Variants in SOS1 observed in about 807,000 individuals in gnomAD.
SOS1 encodes son of sevenless homolog 1.
SOS1 carries 25 observed loss-of-function variants against 157.6 expected under a neutral mutation model. The ratio of observed to expected loss-of-function variants is 0.16; its 90% CI spans 0.12 to 0.22. The LOEUF is 0.22. Ranked by LOEUF, SOS1 falls within the 10% of genes least tolerant of loss-of-function variation. The pLI is 1.00. For missense variants in SOS1, 1,237 were observed against 1,599.1 expected (o/e 0.77, Z 3.86); for synonymous variants, 528 against 534.0 (o/e 0.99, Z 0.16).
intron 1 of SOS1, among the ~76,000 whole-genome samples, chr2:39,079,120 T>C (rs1203277479): frequency 7.6e-4 from 1 of 1,316 alleles, no homozygotes; most frequent in Admixed American, 5.1e-3. Context: ...AACTCTTATA[T>C]GTGCACAACA....
chr2:39,093,091 G>A (rs1672648378), intron 1 of SOS1, among the ~76,000 whole-genome samples: 1 of 152,058 alleles, frequency 6.6e-6, no homozygotes, highest in Admixed American at 6.5e-5. Flanking sequence ...TTAAATAAAT[G>A]CATTTTTTAA....
intron 6 of SOS1, among the ~76,000 whole-genome samples, chr2:39,048,429 C>T (rs948381538): frequency 2.2e-4 from 34 of 151,736 alleles, no homozygotes; most frequent in African/African-American, 8.2e-4. Context: ...AAGACAGAGT[C>T]TTGCTCTGTC....
At chr2:39,016,059 TCTCA>T (rs1388785345) in intron 10 of SOS1, among the ~76,000 whole-genome samples, 1 of 152,106 alleles carries the variant, frequency 6.6e-6, no homozygotes, top group East Asian at 1.9e-4. Context: ...TTAGGCTGAT[TCTCA>T]CTAAGACCCA....
intron 1 of SOS1, among the ~76,000 whole-genome samples, chr2:39,090,139 CAAAAA>C (rs10598316): frequency 1.8e-5 from 2 of 110,950 alleles, no homozygotes; most frequent in African/African-American, 3.2e-5. Flanking sequence ...GACCCTGTCT[CAAAAA>C]AAAAAAAAAA....
chr2:39,088,819 C>T (rs1184142792), intron 1 of SOS1, among the ~76,000 whole-genome samples: 2 of 152,122 alleles, frequency 1.3e-5, no homozygotes, highest in Admixed American at 1.3e-4. Context: ...TCCCTGCTTT[C>T]AATAGCTAGA....
chr2:39,063,838 A>G (rs903351964), intron 2 of SOS1, among the ~76,000 whole-genome samples: 5 of 151,476 alleles, frequency 3.3e-5, no homozygotes, highest in African/African-American at 1.2e-4. Flanking sequence ...TTTTTTTTCA[A>G]ACTTCTTTTT....
At chr2:39,118,020 T>C (rs1379508306) in intron 1 of SOS1, among the ~76,000 whole-genome samples, 1 of 152,204 alleles carries the variant, frequency 6.6e-6, no homozygotes, top group Non-Finnish European at 1.5e-5. Context: ...GTATGGGGAA[T>C]AAAATGTGGG....
chr2:39,037,065 T>C (rs1300748288), intron 6 of SOS1, among the ~76,000 whole-genome samples: 1 of 152,252 alleles, frequency 6.6e-6, no homozygotes, highest in Non-Finnish European at 1.5e-5. Context: ...CAATATGGCA[T>C]GTAAACTTCC....
At chr2:39,118,502 C>T (rs1435667992) in intron 1 of SOS1, among the ~76,000 whole-genome samples, 3 of 152,196 alleles carry the variant, frequency 2.0e-5, no homozygotes, top group Admixed American at 2.0e-4. Context: ...ATTATGTACA[C>T]TTCCACCTCC....
chr2:39,064,702 G>A (rs1386458388), intron 2 of SOS1, among the ~76,000 whole-genome samples: 1 of 135,096 alleles, frequency 7.4e-6, no homozygotes, highest in African/African-American at 2.8e-5. Flanking sequence ...TTTTAAATGT[G>A]TATATTCTGC....
intron 6 of SOS1, among the ~76,000 whole-genome samples, chr2:39,043,889 C>A (rs934943657): frequency 2.0e-5 from 3 of 152,204 alleles, no homozygotes; most frequent in Non-Finnish European, 4.4e-5. Flanking sequence ...ATTGAAACCA[C>A]AGCATTCACA....
chr2:39,123,419 G>A (rs1420148880), upstream of SOS1, among the ~76,000 whole-genome samples: 1 of 151,152 alleles, frequency 6.6e-6, no homozygotes, highest in African/African-American at 2.4e-5. Flanking sequence ...GAATGCAGGC[G>A]GAATCTTGGC....
intron 1 of SOS1, among the ~76,000 whole-genome samples, chr2:39,105,739 A>C (rs1443981042): frequency 1.3e-5 from 2 of 151,964 alleles, no homozygotes; most frequent in African/African-American, 4.8e-5. Context: ...TCTACTAAAA[A>C]TACAAAAAAA....
At chr2:39,070,221 A>G (rs950276736) in intron 1 of SOS1, among the ~76,000 whole-genome samples, 1 of 152,136 alleles carries the variant, frequency 6.6e-6, no homozygotes, top group Non-Finnish European at 1.5e-5. Context: ...GCATGCCCCC[A>G]ATGGCTTAAA....
chr2:39,021,194 T>C (rs1381691968), intron 10 of SOS1, among the ~76,000 whole-genome samples: 2 of 151,650 alleles, frequency 1.3e-5, no homozygotes, highest in African/African-American at 2.4e-5. Context: ...GGACTTTACC[T>C]AACATTGTAC....
At chr2:39,105,116 T>A (rs1673116538) in intron 1 of SOS1, among the ~76,000 whole-genome samples, 2 of 152,164 alleles carry the variant, frequency 1.3e-5, no homozygotes, top group South Asian at 4.1e-4. Context: ...GAATTAATTA[T>A]CAGTAAGTGC....
In SOS1 at chr2:39,120,465, G is replaced by GGCC. The variant is rs1673831857; in HGVS notation, c.-46_-44dup. On this transcript the variant is annotated 5_prime_UTR_variant, in exon 1 of 23. Transcript: ENST00000402219. ...TCTGGGCGGGGAGAGGGGCGGCGGC[G>GGCC]GCCGGGCCAGGGAGCCGCGAGAGGG... is the stretch of plus-strand genomic sequence containing the variant. 2 of 1,522,438 alleles carry GGCC rather than the reference G, an allele frequency of 1.3e-6. No individual in the cohort carries two copies. The highest frequency in any genetic ancestry group is 2.9e-5 in the African/African-American group (2 of 69,674). The allele number at this position is 1,522,438 out of a possible 1,614,324, so 94.3% of individuals were successfully genotyped here.
At chr2:39,086,907 G>C (rs972102313) in intron 1 of SOS1, among the ~76,000 whole-genome samples, 1 of 151,974 alleles carries the variant, frequency 6.6e-6, no homozygotes, top group African/African-American at 2.4e-5. Context: ...CTGCCTCCCC[G>C]GTTTAAGCAA....
intron 2 of SOS1, among the ~76,000 whole-genome samples, chr2:39,061,726 C>A (rs888007943): frequency 3.3e-5 from 5 of 151,988 alleles, no homozygotes; most frequent in African/African-American, 1.2e-4. Context: ...GAGGACTGAA[C>A]AATGAAAGAT....
Sources: allele counts gnomAD v4.1 joint callset (sites outside exome capture counted in the v4.1 genomes callset), GRCh38; gene constraint gnomAD v4.1.1; transcripts MANE v1.5; gene names NCBI Gene and HGNC (gene_info 2026-07-23, HGNC 2026-07-21).